Variants in BRINP3 observed in about 807,000 individuals in gnomAD.
BRINP3 encodes the protein BMP/retinoic acid-inducible neural-specific protein 3.
A neutral mutation model predicts 71.0 loss-of-function variants in BRINP3; 19 were observed. The ratio of observed to expected loss-of-function variants is 0.27; its 90% CI spans 0.19 to 0.39. BRINP3 has a LOEUF of 0.39. BRINP3 is among the 10% of genes least tolerant of loss of function. The pLI is 1.00. For missense variants in BRINP3, 959 were observed against 940.8 expected, an observed-to-expected ratio of 1.02 and a Z score of -0.25; for synonymous variants, 380 against 337.7, an observed-to-expected ratio of 1.13 and a Z score of -1.37.
intron 7 of BRINP3, among the ~76,000 whole-genome samples, chr1:190,157,523 T>A (rs1021977758): frequency 6.6e-6 from 1 of 152,104 alleles, no homozygotes; most frequent in Non-Finnish European, 1.5e-5. Flanking sequence ...AATGTCTTTA[T>A]AACCAGACTC....
At chr1:190,103,139 G>C (rs1041737072) in intron 7 of BRINP3, among the ~76,000 whole-genome samples, 2 of 152,030 alleles carry the variant, frequency 1.3e-5, no homozygotes. Context: ...TGTGCCCTGT[G>C]ACGAGTTACT....
intron 2 of BRINP3, among the ~76,000 whole-genome samples, chr1:190,370,436 A>G (rs1669785158): frequency 6.6e-6 from 1 of 152,180 alleles, no homozygotes. Flanking sequence ...TATAATTCTC[A>G]ACAAACCATT....
At chr1:190,345,145 G>T (rs1373662121) in intron 2 of BRINP3, among the ~76,000 whole-genome samples, 1 of 151,728 alleles carries the variant, frequency 6.6e-6, no homozygotes, top group Non-Finnish European at 1.5e-5. Flanking sequence ...TACTGTAAAA[G>T]TTGTAAACAT....
At chr1:190,264,170 C>T (rs919702564) in intron 4 of BRINP3, among the ~76,000 whole-genome samples, 1 of 152,046 alleles carries the variant, frequency 6.6e-6, no homozygotes, top group African/African-American at 2.4e-5. Flanking sequence ...ACAACAATTT[C>T]TCCTCTCTGT....
At chr1:190,390,846 A>G (rs910989564) in intron 2 of BRINP3, among the ~76,000 whole-genome samples, 54 of 151,942 alleles carry the variant, frequency 3.6e-4, no homozygotes, top group African/African-American at 1.1e-3. Context: ...GTCTCAGTGC[A>G]AAAAGACTTG....
At position 190,294,431 on chromosome 1, in the gene BRINP3, T is replaced by G. The variant is rs150415938; in HGVS notation, c.237-12681A>C. 2.2e-4 allele frequency among the ~76,000 whole-genome samples: 33 copies of G among 151,990 alleles called. No homozygotes were observed. The East Asian group carries it at 6.5e-3, about 30-fold the overall frequency. On this transcript the variant is annotated intron_variant, in intron 2 of 7. Transcript: ENST00000367462. ...TGTGTTACCATGCCTGACTAATTTTTTGTAGAGATAGGGTCTCACTTTGTT... is the reference window on the plus strand; with the variant it reads ...TGTGTTACCATGCCTGACTAATTTTGTGTAGAGATAGGGTCTCACTTTGTT...
At chr1:190,184,246 G>T (rs181095045) in intron 6 of BRINP3, among the ~76,000 whole-genome samples, 71 of 152,222 alleles carry the variant, frequency 4.7e-4, no homozygotes, top group Non-Finnish European at 1.6e-4. Context: ...GGCTGACAAG[G>T]ATATGGAGAA....
chr1:190,147,080 T>C (rs1571837062), intron 7 of BRINP3, among the ~76,000 whole-genome samples: 1 of 152,184 alleles, frequency 6.6e-6, no homozygotes, highest in East Asian at 1.9e-4. Context: ...TGCGTATTGG[T>C]AGGCTATTCA....
intron 2 of BRINP3, among the ~76,000 whole-genome samples, chr1:190,373,434 ATGTGTGTGTG>A (rs71123087): frequency 1.7e-4 from 25 of 143,920 alleles, no homozygotes; most frequent in African/African-American, 5.6e-4. Flanking sequence ...ATATATATAT[ATGTGTGTGTG>A]TGTGTGTGTG....
intron 4 of BRINP3, among the ~76,000 whole-genome samples, chr1:190,240,706 A>G (rs1658985452): frequency 6.6e-6 from 1 of 151,792 alleles, no homozygotes; most frequent in Admixed American, 6.6e-5. Context: ...CTCTGTCTCT[A>G]CTAAAAATAC....
chr1:190,313,279 A>C (rs1196325790), intron 2 of BRINP3, among the ~76,000 whole-genome samples: 1 of 151,966 alleles, frequency 6.6e-6, no homozygotes, highest in African/African-American at 2.4e-5. Context: ...AAAATTTGGT[A>C]ATGCCTTTTT....
At chr1:190,277,087 T>TTATATATATA (rs1222129309) in intron 3 of BRINP3, among the ~76,000 whole-genome samples, 1,002 of 35,990 alleles carry the variant, frequency 0.028, 67 homozygotes, top group Non-Finnish European at 0.039. Flanking sequence ...AATTTTGGTT[T>TTATATATATA]TATATATATA....
At chr1:190,371,191 T>C (rs1669840079) in intron 2 of BRINP3, among the ~76,000 whole-genome samples, 1 of 152,198 alleles carries the variant, frequency 6.6e-6, no homozygotes, top group Non-Finnish European at 1.5e-5. Flanking sequence ...GCAATCCCCT[T>C]TATGTATTTT....
At chr1:190,359,362 G>A (rs1420645590) in intron 2 of BRINP3, among the ~76,000 whole-genome samples, 1 of 152,034 alleles carries the variant, frequency 6.6e-6, no homozygotes, top group Non-Finnish European at 1.5e-5. Flanking sequence ...CCAATGGTGT[G>A]ATTTAAGGTA....
chr1:190,283,221 T>C (rs185249410), intron 2 of BRINP3, among the ~76,000 whole-genome samples: 1 of 152,156 alleles, frequency 6.6e-6, no homozygotes, highest in East Asian at 1.9e-4. Context: ...AATCAGCTCA[T>C]CTAAAGTTTT....
chr1:190,211,004 G>T (rs989944526), intron 6 of BRINP3, among the ~76,000 whole-genome samples: 1 of 152,100 alleles, frequency 6.6e-6, no homozygotes, highest in Admixed American at 6.6e-5. Context: ...ATTTATACCA[G>T]TGATTTGCCA....
intron 2 of BRINP3, among the ~76,000 whole-genome samples, chr1:190,367,381 C>G (rs184404907): frequency 2.8e-4 from 43 of 152,286 alleles, no homozygotes; most frequent in Middle Eastern, 6.8e-3. Flanking sequence ...CGAGGCTGCA[C>G]AAATCAGAGG....
chr1:190,377,238 A>C (rs1033484679), intron 2 of BRINP3, among the ~76,000 whole-genome samples: 1 of 151,920 alleles, frequency 6.6e-6, no homozygotes, highest in African/African-American at 2.4e-5. Flanking sequence ...TATTTTTTCC[A>C]TTTCTCAAAC....
In BRINP3 at chr1:190,383,219, G is replaced by A. The variant is rs1481373810; in HGVS notation, c.236+71436C>T. Among the ~76,000 whole-genome samples, 5 of 152,080 alleles carry A rather than the reference G, an allele frequency of 3.3e-5. No homozygotes were observed. In the South Asian group the frequency reaches 8.3e-4, roughly 25 times the overall value. On this transcript the variant is annotated intron_variant, in intron 2 of 7. Coordinates refer to ENST00000367462, the MANE Select transcript of BRINP3 (RefSeq NM_199051.3). Reference sequence around the variant, plus strand: ...ATTTTTTATTGAGCCATTAGATTCAGAAGAACTTAATTTTCTTGTTACAGT... The same window carrying A: ...ATTTTTTATTGAGCCATTAGATTCAAAAGAACTTAATTTTCTTGTTACAGT...
Sources: allele counts gnomAD v4.1 joint callset (sites outside exome capture counted in the v4.1 genomes callset), GRCh38; gene constraint gnomAD v4.1.1; transcripts MANE v1.5; gene names NCBI Gene and HGNC (gene_info 2026-07-23, HGNC 2026-07-21).